PRKAG2: variants seen among roughly 807,000 people sequenced by gnomAD.
PRKAG2 encodes the protein 5'-AMP-activated protein kinase subunit gamma-2.
Under a neutral mutation model 69.6 loss-of-function variants are expected in PRKAG2, and 26 were observed. That is an observed-to-expected ratio of 0.37 (90% CI 0.27 to 0.52). PRKAG2 has a LOEUF of 0.52. Among genes scored for constraint, PRKAG2 ranks in the 20% least tolerant of loss-of-function variants. The pLI is 0.90. For synonymous variants in PRKAG2, 293 were observed against 285.0 expected, an observed-to-expected ratio of 1.03 and a Z score of -0.28; for missense variants, 557 against 740.0, an observed-to-expected ratio of 0.75 and a Z score of 2.87.
intron 1 of PRKAG2, among the ~76,000 whole-genome samples, chr7:151,863,244 G>T (rs540743602): frequency 1.3e-5 from 2 of 151,796 alleles, no homozygotes; most frequent in East Asian, 3.9e-4. Flanking sequence ...AGGTACAGGG[G>T]GCACTGGTAA....
intron 13 of PRKAG2, among the ~76,000 whole-genome samples, chr7:151,564,981 G>A (rs915182912): frequency 6.6e-6 from 1 of 152,054 alleles, no homozygotes; most frequent in Non-Finnish European, 1.5e-5. Context: ...AATGGGATGC[G>A]CCCGACAAAG....
intron 5 of PRKAG2, among the ~76,000 whole-genome samples, chr7:151,595,755 T>A (rs1356317889): frequency 6.6e-6 from 1 of 152,096 alleles, no homozygotes; most frequent in African/African-American, 2.4e-5. Context: ...TACCAAAGAA[T>A]CTAGAAAAAG....
chr7:151,640,087 G>T (rs1317123680), intron 4 of PRKAG2, among the ~76,000 whole-genome samples: 1 of 152,140 alleles, frequency 6.6e-6, no homozygotes, highest in Non-Finnish European at 1.5e-5. Context: ...GAGGCAGGTG[G>T]ATCACCTGAG....
intron 4 of PRKAG2, among the ~76,000 whole-genome samples, chr7:151,669,464 G>A (rs1336784490): frequency 6.6e-6 from 1 of 152,192 alleles, no homozygotes; most frequent in East Asian, 1.9e-4. Flanking sequence ...GTGATGCTGT[G>A]TTCACTTGGA....
At chr7:151,774,970 G>A (rs534414751) in intron 3 of PRKAG2, among the ~76,000 whole-genome samples, 82 of 152,332 alleles carry the variant, frequency 5.4e-4, no homozygotes, top group Non-Finnish European at 9.4e-4. Flanking sequence ...GGAGAAGTGG[G>A]CATTACCTTG....
At chr7:151,643,220 A>G (rs563067029) in intron 4 of PRKAG2, among the ~76,000 whole-genome samples, 27 of 152,364 alleles carry the variant, frequency 1.8e-4, no homozygotes, top group African/African-American at 5.8e-4. Flanking sequence ...GTATTGTCTT[A>G]TAATACATTG....
At chr7:151,854,972 ACACACACCATGCTCCACACACACCATGC>A (rs2079672254) in intron 1 of PRKAG2, among the ~76,000 whole-genome samples, 3 of 33,886 alleles carry the variant, frequency 8.9e-5, no homozygotes, top group African/African-American at 3.6e-4. Context: ...ACCACCCTCC[ACACACACCATGCTCCACACACACCATGC>A]TCCACACACA....
At chr7:151,634,687 A>G (rs1825422768) in intron 4 of PRKAG2, among the ~76,000 whole-genome samples, 1 of 152,254 alleles carries the variant, frequency 6.6e-6, no homozygotes, top group Non-Finnish European at 1.5e-5. Context: ...AAATAATCCA[A>G]TTAGAACATA....
At chr7:151,700,816 G>T (rs1197402336) in intron 3 of PRKAG2, among the ~76,000 whole-genome samples, 1 of 152,122 alleles carries the variant, frequency 6.6e-6, no homozygotes, top group African/African-American at 2.4e-5. Flanking sequence ...CACACGGGGG[G>T]AGCCTGGCCT....
chr7:151,572,525 A>C, intron 9 of PRKAG2, 139 bp downstream of exon 9: 1 of 680,648 alleles, frequency 1.5e-6, no homozygotes, highest in Non-Finnish European at 2.6e-6. Flanking sequence ...TACTATCAAA[A>C]TTAACAGAAA....
chr7:151,558,234 G>A (rs1804194750), intron 15 of PRKAG2: 2 of 985,434 alleles, frequency 2.0e-6, no homozygotes, highest in Non-Finnish European at 2.4e-6. Flanking sequence ...TACCCCTCTG[G>A]GGAACGGTGG....
At position 151,565,758 on chromosome 7, in the gene PRKAG2, T is replaced by C. The variant is rs940818676; in HGVS notation, c.1361A>G (p.Glu454Gly). The C allele has an allele frequency of 2.5e-6, 4 of 1,613,792 alleles. No individual in the cohort carries two copies. The Admixed American group carries it at 6.7e-5, about 27-fold the overall frequency. ...PIIKALNIFV[E>G]RRISALPVVD... is the part of the protein sequence containing the mutation. ...AACAGGCAGAGCTGATATTCGTCTT[T>C]CCACAAATATGTTCAAGGCTTTGAT... Residue 454 changes from glutamate (E) to glycine (G), a missense_variant, in exon 12 of 16, where the codon GAA (glutamate) becomes GGA (glycine). By Grantham distance (98) the Glu-to-Gly change is moderately conservative. This residue lies in a region of PRKAG2 where 205 missense variants were observed against 383.4 expected (regional missense o/e 0.53). Transcript: ENST00000287878.
chr7:151,839,863 G>A (rs911826870), intron 1 of PRKAG2, among the ~76,000 whole-genome samples: 8 of 152,212 alleles, frequency 5.3e-5, no homozygotes, highest in South Asian at 2.1e-4. Flanking sequence ...TGGCCCAGGA[G>A]CCACAGCAGA....
chr7:151,813,813 C>T (rs1403230603), intron 1 of PRKAG2, among the ~76,000 whole-genome samples: 2 of 152,184 alleles, frequency 1.3e-5, no homozygotes, highest in Non-Finnish European at 2.9e-5. Flanking sequence ...AGCAAGTAAG[C>T]GTTGGGCTCC....
chr7:151,856,746 C>G (rs545343266), intron 1 of PRKAG2, among the ~76,000 whole-genome samples: 1 of 152,196 alleles, frequency 6.6e-6, no homozygotes, highest in Non-Finnish European at 1.5e-5. Flanking sequence ...GCGTCCCCAC[C>G]GGAGCACGGT....
chr7:151,837,922 G>A (rs2079182980), intron 1 of PRKAG2, among the ~76,000 whole-genome samples: 1 of 152,122 alleles, frequency 6.6e-6, no homozygotes, highest in Non-Finnish European at 1.5e-5. Context: ...TCACTCCTGT[G>A]GGCAGCGCTG....
intron 1 of PRKAG2, among the ~76,000 whole-genome samples, chr7:151,793,819 T>C (rs1466503237): frequency 6.6e-5 from 10 of 152,206 alleles, no homozygotes; most frequent in Admixed American, 6.5e-4. Flanking sequence ...ATTGGAGCCT[T>C]TGAAAAACAT....
Position 151,565,788 on chromosome 7 carries a change from G to C in PRKAG2, c.1331C>G (p.Pro444Arg). The C allele has an allele frequency of 6.2e-7, 1 of 1,612,676 alleles. No individual in the cohort carries two copies. The change falls in exon 12 of 16, where the codon CCC becomes CGC. Residue 444 changes from proline to arginine, a missense_variant. By Grantham distance (103) the Pro-to-Arg change is moderately radical. Coordinates refer to ENST00000287878, the MANE Select transcript of PRKAG2 (RefSeq NM_016203.4). ...AAATATGTTCAAGGCTTTGATGATG[G>C]GAGTGTCTGGATGTATGAAGGCAAT... ...HNIAFIHPDT[P>R]IIKALNIFVE...
intron 13 of PRKAG2, 82 bp downstream of exon 13, chr7:151,565,264 C>T (rs1805976943): frequency 1.8e-6 from 2 of 1,110,948 alleles, no homozygotes; most frequent in African/African-American, 1.6e-5. Flanking sequence ...AATTAAGAAA[C>T]AAGATAAAAA....
Sources: gnomAD v4.1 joint callset for allele counts (sites outside exome capture counted in the v4.1 genomes callset) on GRCh38, gnomAD v4.1.1 for gene constraint, gnomAD v4.1.1 regional missense constraint, MANE v1.5 for transcripts, NCBI Gene and HGNC (gene_info 2026-07-23, HGNC 2026-07-21) for gene names.